The following DNHD1 variants were observed in gnomAD, a reference collection of about 807,000 sequenced individuals.
DNHD1 encodes the protein dynein heavy chain domain-containing protein 1.
A neutral mutation model predicts 458.1 loss-of-function variants in DNHD1; 383 were observed. That is an observed-to-expected ratio of 0.84 (90% CI 0.77 to 0.91). The LOEUF (loss-of-function observed/expected upper bound fraction) is 0.91. DNHD1 is among the 40% of genes least tolerant of loss of function. The pLI is 0.00. For missense variants in DNHD1, 5,336 were observed against 5,866.1 expected (o/e 0.91, Z 2.95); for synonymous variants, 2,203 against 2,376.9 (o/e 0.93, Z 2.13).
rs1459254692 is a variant in DNHD1 at position 6,557,631 on chromosome 11, A to G, written c.8336A>G (p.Tyr2779Cys). 8 of 1,551,796 alleles carry G rather than the reference A, an allele frequency of 5.2e-6. No individual in the cohort carries two copies. The highest frequency in any genetic ancestry group is 4.8e-5 in the South Asian group (4 of 84,070). ...GAGAAAGGCACAAGGGCATCCAACT[A>G]TAGGCTCCAGGTAAGGAGATCATTC... ...RQEKGTRASN[Y>C]RLQVRRSFKT... Residue 2779 changes from tyrosine to cysteine, a missense_variant, in exon 25 of 43, where the codon TAT (tyrosine) becomes TGT (cysteine). Transcript: ENST00000254579.
In DNHD1 at chr11:6,566,137, C is replaced by G. The variant is rs980125746; in HGVS notation, c.11054-104C>G. 3.3e-6 allele frequency: 5 copies of G among 1,495,906 alleles called. No individual in the cohort carries two copies. The African/African-American group carries it at 7.0e-5, about 21-fold the overall frequency. The allele number at this position is 1,495,906 out of a possible 1,614,324, so 92.7% of individuals were successfully genotyped here. Reference sequence around the variant, plus strand: ...ATTGAAGCGTCTTGTGGGAACCCTCCTATCAGCCACAGGGAAGCTGGTCAG... The same window carrying G: ...ATTGAAGCGTCTTGTGGGAACCCTCGTATCAGCCACAGGGAAGCTGGTCAG... On this transcript the variant is annotated intron_variant, in intron 33 of 42. Transcript: ENST00000254579.
Position 6,547,138 on chromosome 11 carries a change from A to C in DNHD1, c.6199A>C (p.Asn2067His). Residue 2067 changes from asparagine to histidine, a missense_variant, in exon 21 of 43, where the codon AAC (asparagine) becomes CAC (histidine). Transcript: ENST00000254579. The stretch of plus-strand genomic sequence containing the variant: ...ACTTCGTGCAGCCGGTCAGTGTAAC[A>C]ACATGGGCCAAAAGAGGCAGACAGA... ...KVLRAAGQCN[N>H]MGQKRQTEES... 6.4e-7 allele frequency: 1 copy of C among 1,551,748 alleles called. No homozygotes were observed. Among genetic ancestry groups the C allele is most frequent in the African/African-American group, 1.4e-5 (1 of 73,166 alleles).
chr11:6,569,943 C>CAAGA, intron 39 of DNHD1, 66 bp from the exon 40 acceptor site: 1 of 1,418,022 alleles, frequency 7.1e-7, no homozygotes, highest in African/African-American at 1.4e-5. Flanking sequence ...GAACTGAAGA[C>CAAGA]AAGACTTGAC....
chr11:6,551,665 G>A (rs759048025), intron 24 of DNHD1, among the ~76,000 whole-genome samples: 56 of 152,332 alleles, frequency 3.7e-4, no homozygotes, highest in Admixed American at 1.3e-3. Flanking sequence ...AGCCAGGGCC[G>A]GGCACTGTGG....
intron 18 of DNHD1, 74 bp downstream of exon 18, chr11:6,540,157 C>G: frequency 1.5e-6 from 2 of 1,306,546 alleles, no homozygotes; most frequent in Non-Finnish European, 1.1e-6. Flanking sequence ...TCCATCAAGG[C>G]CTGCCAGATC....
chr11:6,567,087 A>G lies in DNHD1; in HGVS notation c.11578A>G (p.Met3860Val), dbSNP rs757304120. ...YRPVVWHGMA[M>V]VKALSQLQNL... is the part of the protein sequence containing the mutation. ...ACCTGTGGTTTGGCATGGAATGGCC[A>G]TGGTAAAGGCCCTAAGCCAACTGCA... Residue 3860 changes from methionine (M) to valine (V), a missense_variant, in exon 36 of 43, where the codon ATG becomes GTG. By Grantham distance (21) the Met-to-Val change is conservative. Transcript: ENST00000254579. 4.5e-5 allele frequency: 73 copies of G among 1,613,938 alleles called. No homozygotes were observed. The highest frequency in any genetic ancestry group is 6.1e-5 in the Non-Finnish European group (72 of 1,179,904).
In DNHD1 at chr11:6,558,006, C is replaced by G. The variant is rs1372251518; in HGVS notation, c.8711C>G (p.Ala2904Gly). Residue 2904 changes from alanine to glycine, a missense_variant, in exon 25 of 43, where the codon GCT becomes GGT. By Grantham distance (60) the Ala-to-Gly change is moderately conservative. This residue lies in a region of DNHD1 where 3,932 missense variants were observed against 4,365.6 expected (regional missense o/e 0.90). Transcript: ENST00000254579. Reference sequence around the variant, plus strand: ...GGGCGCCACACTGCCATCACTCTGGCTTCTAGCATTTGTCAGGCCCATTTC... The same window carrying G: ...GGGCGCCACACTGCCATCACTCTGGGTTCTAGCATTTGTCAGGCCCATTTC... Reference protein sequence around the residue: ...GTGRHTAITLASSICQAHFFH... With the variant: ...GTGRHTAITLGSSICQAHFFH... 2 of 1,551,732 alleles carry G rather than the reference C, an allele frequency of 1.3e-6. No homozygotes were observed.
Position 6,528,613 on chromosome 11 carries a change from G to A in DNHD1, c.1929G>A (p.Pro643=), listed in dbSNP as rs369027201. The change falls in exon 11 of 43, where the codon CCG becomes CCA. Residue 643 remains proline, a synonymous_variant. Coordinates refer to ENST00000254579, the MANE Select transcript of DNHD1 (RefSeq NM_144666.3). ...PSDAVSIFCG[P]NVGLVWPWKS... ...ATGCTGTGAGCATCTTCTGTGGCCC[G>A]AATGTGGGATTGGTGTGGCCCTGGA... 14 of 1,551,720 alleles carry A rather than the reference G, an allele frequency of 9.0e-6. No individual in the cohort carries two copies. Among genetic ancestry groups the A allele is most frequent in the South Asian group, 3.6e-5 (3 of 84,066 alleles).
intron 8 of DNHD1, 26 bp downstream of exon 8, chr11:6,519,880 A>C: frequency 6.2e-7 from 1 of 1,612,876 alleles, no homozygotes; most frequent in East Asian, 2.2e-5. Context: ...GCATGTGTGG[A>C]GGTGGCAGGC....
chr11:6,533,324 T>C, intron 13 of DNHD1, 140 bp downstream of exon 13: 1 of 929,678 alleles, frequency 1.1e-6, no homozygotes, highest in East Asian at 2.6e-5. Flanking sequence ...AGATCTACCC[T>C]TGCTAATTCT....
Position 6,516,020 on chromosome 11 carries a change from C to T in DNHD1, c.1393-3580C>T, listed in dbSNP as rs144493273. On this transcript the variant is annotated intron_variant, in intron 7 of 42. Transcript: ENST00000254579. The stretch of plus-strand genomic sequence containing the variant: ...CCAGGCTGGTCTCGAACTCCAAGCT[C>T]AAGTGATCCTCCCACCTCGCCCTCC... Among the ~76,000 whole-genome samples, 19 of 151,956 alleles carry T rather than the reference C, an allele frequency of 1.3e-4. No individual in the cohort carries two copies. In the East Asian group the frequency reaches 3.7e-3, roughly 30 times the overall value.
chr11:6,531,752 A>T (rs897002799), intron 12 of DNHD1, among the ~76,000 whole-genome samples: 2 of 152,186 alleles, frequency 1.3e-5, no homozygotes, highest in Non-Finnish European at 2.9e-5. Flanking sequence ...TGACATACCC[A>T]GTATGTCTCA....
chr11:6,508,075 A>C (rs1237362801), intron 4 of DNHD1: 2 of 152,232 alleles, frequency 1.3e-5, no homozygotes, highest in African/African-American at 4.8e-5. Flanking sequence ...GTAATGCTTA[A>C]AAATATTGCT....
rs1853497948 is a variant in DNHD1 at position 6,557,701 on chromosome 11, C to G, written c.8406C>G (p.Pro2802=). 6.4e-7 allele frequency: 1 copy of G among 1,551,734 alleles called. No individual in the cohort carries two copies. The highest frequency in any genetic ancestry group is 8.7e-7 in the Non-Finnish European group (1 of 1,146,996). Residue 2802 remains proline, a synonymous_variant, in exon 25 of 43, where the codon CCC becomes CCG. Transcript: ENST00000254579. ...AACCCCAGATGGACCTGATCTCACCCTTGTTGTTACCAGTGTTACTACTAC... is the reference window on the plus strand; with the variant it reads ...AACCCCAGATGGACCTGATCTCACCGTTGTTGTTACCAGTGTTACTACTAC... ...QKKPQMDLIS[P]LLLPVLLLHP...
chr11:6,507,948 C>A (rs1213574428), intron 4 of DNHD1, among the ~76,000 whole-genome samples: 4 of 152,128 alleles, frequency 2.6e-5, no homozygotes, highest in African/African-American at 9.7e-5. Flanking sequence ...GTTCTTAAGT[C>A]ACTTGCTTAA....
At position 6,570,390 on chromosome 11, in the gene DNHD1, CT is replaced by C; in HGVS notation, c.13100del (p.Leu4367ProfsTer4). ...PQSLLATLMP[L>X]PELRELDAMA... ...GTCTTTGCTGGCCACGCTCATGCCC[CT>C]CCCAGGTAAGCCTCACTCAGGTATC... On this transcript the variant is annotated frameshift_variant, in exon 41 of 43. Transcript: ENST00000254579. LOFTEE classifies it high-confidence loss of function. The C allele has an allele frequency of 6.2e-7, 1 of 1,607,862 alleles. No individual in the cohort carries two copies. Among genetic ancestry groups the C allele is most frequent in the South Asian group, 1.1e-5 (1 of 90,052 alleles).
At chr11:6,539,507 A>G (rs1315373644) in intron 17 of DNHD1, among the ~76,000 whole-genome samples, 194 bp downstream of exon 17, 1 of 152,192 alleles carries the variant, frequency 6.6e-6, no homozygotes, top group Non-Finnish European at 1.5e-5. Flanking sequence ...CCAGTGACTG[A>G]GAGTATGTCC....
At chr11:6,499,480 A>AT (rs1852093954) in intron 3 of DNHD1, among the ~76,000 whole-genome samples, 1 of 152,016 alleles carries the variant, frequency 6.6e-6, no homozygotes, top group Admixed American at 6.5e-5. Context: ...ATAGAATTTC[A>AT]TTTTGACCCT....
At position 6,499,728 on chromosome 11, in the gene DNHD1, C is replaced by T. The variant is rs185676410; in HGVS notation, c.746+767C>T. Among the ~76,000 whole-genome samples the T allele has an allele frequency of 6.7e-3, 1,026 of 152,062 alleles. 5 individuals carry two copies. The highest frequency in any genetic ancestry group is 0.01 in the Admixed American group (159 of 15,280). ...GACTACAGGCACGTGCCACCATACT[C>T]AGCTAATTTTTATATTTTTAGTAGA... On this transcript the variant is annotated intron_variant, in intron 3 of 42. Transcript: ENST00000254579.
Sources: allele counts gnomAD v4.1 joint callset (sites outside exome capture counted in the v4.1 genomes callset), GRCh38; gene constraint gnomAD v4.1.1; regional missense constraint gnomAD v4.1.1; transcripts MANE v1.5; gene names NCBI Gene and HGNC (gene_info 2026-07-23, HGNC 2026-07-21).